AASS: variants seen among roughly 807,000 people sequenced by gnomAD.
AASS encodes aminoadipate-semialdehyde synthase, also known as alpha-aminoadipic semialdehyde synthase, mitochondrial.
In AASS, 86 loss-of-function variants were observed where a neutral mutation model predicts 105.4. That is an observed-to-expected ratio of 0.82 (90% confidence interval 0.69 to 0.98). AASS has a LOEUF of 0.98. AASS is among the 50% of genes least tolerant of loss of function. The pLI, the probability that AASS is intolerant of heterozygous loss-of-function variation, is 0.00. For missense variants in AASS, 1,048 were observed against 1,143.2 expected (o/e 0.92, Z 1.20); for synonymous variants, 381 against 394.8 (o/e 0.96, Z 0.41).
chr7:122,077,054 T>C (rs1206366), intron 23 of AASS, among the ~76,000 whole-genome samples: 60,086 of 152,048 alleles, frequency 0.4, 12,549 homozygotes, highest in African/African-American at 0.54. Flanking sequence ...CTGGGCACTC[T>C]CACTAGAGGC....
intron 4 of AASS, among the ~76,000 whole-genome samples, chr7:122,120,692 C>T (rs1408915159): frequency 6.6e-6 from 1 of 151,908 alleles, no homozygotes; most frequent in South Asian, 2.1e-4. Context: ...GAATTAAATG[C>T]TGTAAATTTC....
chr7:122,089,027 C>T (rs1793770660), intron 18 of AASS, among the ~76,000 whole-genome samples: 1 of 151,906 alleles, frequency 6.6e-6, no homozygotes, highest in South Asian at 2.1e-4. Flanking sequence ...GGCCACTGAC[C>T]AATTTCTGGA....
At chr7:122,131,725 G>C (rs955223956) in intron 2 of AASS, among the ~76,000 whole-genome samples, 1 of 151,936 alleles carries the variant, frequency 6.6e-6, no homozygotes, top group African/African-American at 2.4e-5. Context: ...CTTAACATCA[G>C]ATACCAGATC....
intron 20 of AASS, among the ~76,000 whole-genome samples, chr7:122,080,572 T>C (rs1333280811): frequency 3.9e-5 from 6 of 152,080 alleles, no homozygotes; most frequent in South Asian, 2.1e-4. Context: ...AAACTTAAGA[T>C]TGGAAAGGTT....
At chr7:122,113,069 A>G in intron 11 of AASS, 49 bp downstream of exon 11, 1 of 1,429,782 alleles carries the variant, frequency 7.0e-7, no homozygotes, top group Non-Finnish European at 9.9e-7. Context: ...TTACTCAATT[A>G]TTCAATTTAA....
intron 1 of AASS, among the ~76,000 whole-genome samples, chr7:122,141,658 CAAAAAAAAAAAAAAAA>C (rs67469054): frequency 4.2e-5 from 4 of 94,636 alleles, no homozygotes; most frequent in Non-Finnish European, 6.5e-5. Flanking sequence ...CCTAACCCTG[CAAAAAAAAAAAAAAAA>C]AAAAAAAAAA....
chr7:122,101,854 C>G (rs1321735119), intron 11 of AASS, among the ~76,000 whole-genome samples, 174 bp from the exon 12 acceptor site: 1 of 151,848 alleles, frequency 6.6e-6, no homozygotes, highest in African/African-American at 2.4e-5. Flanking sequence ...GCAATCAACT[C>G]TGCCCACAAG....
intron 23 of AASS, 94 bp from the exon 24 acceptor site, chr7:122,076,701 T>C (rs1793030503): frequency 5.2e-6 from 5 of 956,672 alleles, no homozygotes; most frequent in South Asian, 2.6e-5. Context: ...AAACTCAGAG[T>C]CAATGAATTC....
chr7:122,102,653 G>T (rs957986176), intron 11 of AASS, among the ~76,000 whole-genome samples: 3 of 151,796 alleles, frequency 2.0e-5, no homozygotes, highest in African/African-American at 7.3e-5. Flanking sequence ...ATTTGAAAAA[G>T]GTCAGTTCTC....
At chr7:122,135,238 C>T (rs1008716725) in intron 1 of AASS, among the ~76,000 whole-genome samples, 3 of 149,766 alleles carry the variant, frequency 2.0e-5, no homozygotes, top group South Asian at 4.2e-4. Flanking sequence ...CAAACCTGCA[C>T]GTCGTGCACA....
chr7:122,091,893 T>C, intron 17 of AASS, 50 bp from the exon 18 acceptor site: 1 of 1,312,844 alleles, frequency 7.6e-7, no homozygotes, highest in Non-Finnish European at 1.1e-6. Context: ...ACTTAGAGAA[T>C]GTCTAAGTAA....
At position 122,116,839 on chromosome 7, in the gene AASS, T is replaced by C. The variant is rs73426021; in HGVS notation, c.766+40A>G. ...GGTGATAAAATATTATAACATAGAC[T>C]GTTAAAAACATTAAAAGTTAGTCAT... On this transcript the variant is annotated intron_variant, in intron 7 of 23. Coordinates refer to ENST00000417368, the MANE Select transcript of AASS (RefSeq NM_005763.4). 7.6e-4 allele frequency: 1,219 copies of C among 1,611,588 alleles called. 8 individuals carry two copies. The African/African-American group carries it at 0.015, about 19-fold the overall frequency.
At chr7:122,081,290 C>T (rs541000269) in intron 20 of AASS, among the ~76,000 whole-genome samples, 24 of 152,226 alleles carry the variant, frequency 1.6e-4, no homozygotes, top group Admixed American at 1.1e-3. Context: ...TAAGTTGCTG[C>T]GGGAAACAGG....
chr7:122,137,706 G>C (rs1451077219), intron 1 of AASS, among the ~76,000 whole-genome samples: 2 of 152,206 alleles, frequency 1.3e-5, no homozygotes, highest in African/African-American at 4.8e-5. Flanking sequence ...TTTCTGAATT[G>C]CACTGCAGGT....
intron 1 of AASS, among the ~76,000 whole-genome samples, chr7:122,141,522 T>C (rs1054489853): frequency 6.6e-6 from 1 of 152,122 alleles, no homozygotes; most frequent in African/African-American, 2.4e-5. Context: ...AAACAGCAAG[T>C]GTTTTAAGAA....
At position 122,134,942 on chromosome 7, in the gene AASS, C is replaced by T. The variant is rs1326150297; in HGVS notation, c.-15-1201G>A. ...ATATACACCATGGAATACTATGCAG[C>T]CATAAAAAAGGATGAGTTCATGTCC... is the stretch of plus-strand genomic sequence containing the variant. On this transcript the variant is annotated intron_variant, in intron 1 of 23. Transcript: ENST00000417368. Among the ~76,000 whole-genome samples, 7 of 152,112 alleles carry T rather than the reference C, an allele frequency of 4.6e-5. 1 individual carries two copies. The East Asian group carries it at 1.2e-3, about 25-fold the overall frequency.
At chr7:122,140,891 A>AAAT (rs1796363398) in intron 1 of AASS, among the ~76,000 whole-genome samples, 1 of 152,102 alleles carries the variant, frequency 6.6e-6, no homozygotes, top group Non-Finnish European at 1.5e-5. Context: ...AAAAAAAAAA[A>AAAT]AATACAAGTA....
intron 4 of AASS, among the ~76,000 whole-genome samples, chr7:122,122,782 A>G (rs931017002): frequency 7.2e-5 from 11 of 152,212 alleles, no homozygotes; most frequent in Non-Finnish European, 1.5e-4. Context: ...CGTCCGTGGT[A>G]TCTATTGATT....
intron 8 of AASS, 89 bp downstream of exon 8, chr7:122,116,544 A>G (rs1795185514): frequency 6.6e-7 from 1 of 1,505,324 alleles, no homozygotes; most frequent in South Asian, 1.1e-5. Flanking sequence ...ACTGAAAGCC[A>G]TTGTACAATT....
Sources: gnomAD v4.1 joint callset for allele counts (sites outside exome capture counted in the v4.1 genomes callset) on GRCh38, gnomAD v4.1.1 for gene constraint, MANE v1.5 for transcripts, NCBI Gene and HGNC (gene_info 2026-07-23, HGNC 2026-07-21) for gene names.